The following VPS13B variants were observed in gnomAD, a reference collection of about 807,000 sequenced individuals.
The protein encoded by VPS13B is intermembrane lipid transfer protein VPS13B.
Under a neutral mutation model 426.4 loss-of-function variants are expected in VPS13B, and 285 were observed. The observed-to-expected ratio is 0.67, with a 90% CI of 0.61 to 0.74. The LOEUF (loss-of-function observed/expected upper bound fraction) is 0.74, where lower values mean the gene tolerates loss of function less well. Among genes scored for constraint, VPS13B ranks in the 30% least tolerant of loss-of-function variants. The pLI, the probability that VPS13B is intolerant of heterozygous loss-of-function variation, is 0.00. For synonymous variants in VPS13B, 1,676 were observed against 1,676.4 expected (o/e 1.00, Z 0.01); for missense variants, 4,537 against 4,782.6 (o/e 0.95, Z 1.51).
chr8:99,369,315 A>G lies in VPS13B; in HGVS notation c.2825-14893A>G, dbSNP rs542063464. On this transcript the variant is annotated intron_variant, in intron 19 of 61. Coordinates refer to ENST00000357162, the MANE Select transcript of VPS13B (RefSeq NM_152564.5). ...AGAGGATTGTTATGTTGACCAAATTATATGCATAGGATAAAATGAAATATA... is the reference window on the plus strand; with the variant it reads ...AGAGGATTGTTATGTTGACCAAATTGTATGCATAGGATAAAATGAAATATA... 3.3e-5 allele frequency among the ~76,000 whole-genome samples: 5 copies of G among 152,378 alleles called. No individual in the cohort carries two copies. In the East Asian group the frequency reaches 7.7e-4, roughly 23 times the overall value.
chr8:99,097,285 A>G (rs1433148778), intron 4 of VPS13B, among the ~76,000 whole-genome samples: 1 of 152,126 alleles, frequency 6.6e-6, no homozygotes, highest in Non-Finnish European at 1.5e-5. Context: ...GCTGATGTTT[A>G]TATTTTATTA....
chr8:99,306,362 AT>A (rs1344409152), intron 19 of VPS13B, among the ~76,000 whole-genome samples: 4 of 152,144 alleles, frequency 2.6e-5, no homozygotes, highest in African/African-American at 9.6e-5. Context: ...TTTTCATTAT[AT>A]TTTAGGGGTA....
intron 3 of VPS13B, among the ~76,000 whole-genome samples, chr8:99,065,960 C>T (rs1010601870): frequency 1.3e-5 from 2 of 152,188 alleles, no homozygotes; most frequent in African/African-American, 4.8e-5. Context: ...TGAAGGACCT[C>T]TTCAAGGAGA....
At chr8:99,228,628 GT>G (rs11287992) in intron 17 of VPS13B, among the ~76,000 whole-genome samples, 124,376 of 150,902 alleles carry the variant, frequency 0.82, 51,684 homozygotes, top group South Asian at 0.89. Context: ...TAGTTTTAAA[GT>G]TTTTTTTTTT....
At chr8:99,805,846 A>G (rs550182940) in intron 43 of VPS13B, among the ~76,000 whole-genome samples, 1 of 152,306 alleles carries the variant, frequency 6.6e-6, no homozygotes, top group South Asian at 2.1e-4. Flanking sequence ...ATTAGACACT[A>G]TCTAAGTAGA....
intron 19 of VPS13B, among the ~76,000 whole-genome samples, chr8:99,365,114 G>A (rs1161158980): frequency 6.7e-6 from 1 of 150,100 alleles, no homozygotes; most frequent in South Asian, 2.1e-4. Context: ...CTGTGGTATT[G>A]GTTGTAATAT....
rs191476251 is a variant in VPS13B at position 99,045,153 on chromosome 8, A to G, written c.291+6587A>G. ...CACCATTTTCTATAGTGGTTGTACT[A>G]GTTTACATTCCCACCAGCAGTGTAG... On this transcript the variant is annotated intron_variant, in intron 3 of 61. Coordinates refer to ENST00000357162, the MANE Select transcript of VPS13B (RefSeq NM_152564.5). Among the ~76,000 whole-genome samples, 275 of 152,294 alleles carry G rather than the reference A, an allele frequency of 1.8e-3. 1 individual carries two copies. The highest frequency in any genetic ancestry group is 6.4e-3 in the African/African-American group (267 of 41,568).
chr8:99,821,786 G>A (rs1814384438), intron 50 of VPS13B, among the ~76,000 whole-genome samples: 1 of 152,076 alleles, frequency 6.6e-6, no homozygotes, highest in Admixed American at 6.6e-5. Context: ...TCCACAAATT[G>A]TACTTGGCCT....
intron 28 of VPS13B, among the ~76,000 whole-genome samples, chr8:99,508,652 T>G (rs548430262): frequency 6.6e-6 from 1 of 152,248 alleles, no homozygotes; most frequent in South Asian, 2.1e-4. Flanking sequence ...TGTTCATTAG[T>G]GTCTGTGAAA....
At chr8:99,539,606 T>C (rs1339447641) in intron 30 of VPS13B, among the ~76,000 whole-genome samples, 3 of 151,960 alleles carry the variant, frequency 2.0e-5, no homozygotes, top group Non-Finnish European at 4.4e-5. Context: ...ATTAGCCAGG[T>C]ACACACCTGT....
intron 39 of VPS13B, among the ~76,000 whole-genome samples, chr8:99,736,791 C>G (rs1445014544): frequency 6.6e-6 from 1 of 151,980 alleles, no homozygotes; most frequent in Admixed American, 6.6e-5. Context: ...ATTTTCTTAT[C>G]TAGTGTCAGA....
At chr8:99,176,137 C>A (rs1332222326) in intron 16 of VPS13B, among the ~76,000 whole-genome samples, 2 of 150,832 alleles carry the variant, frequency 1.3e-5, no homozygotes, top group Non-Finnish European at 3.0e-5. Flanking sequence ...ATACTATAAA[C>A]TTTTGTTTTT....
At chr8:99,552,455 C>G (rs751494354) in intron 30 of VPS13B, among the ~76,000 whole-genome samples, 3 of 151,980 alleles carry the variant, frequency 2.0e-5, no homozygotes, top group Non-Finnish European at 2.9e-5. Flanking sequence ...CAAGACTGTC[C>G]AGACTGAATT....
chr8:99,739,954 A>T (rs1809608507), intron 39 of VPS13B, among the ~76,000 whole-genome samples: 1 of 152,232 alleles, frequency 6.6e-6, no homozygotes, highest in Admixed American at 6.5e-5. Flanking sequence ...CACCAGCAAC[A>T]GAACAAAGCT....
At chr8:99,170,626 A>T (rs975353657) in intron 16 of VPS13B, among the ~76,000 whole-genome samples, 89 of 152,034 alleles carry the variant, frequency 5.9e-4, no homozygotes, top group African/African-American at 2.1e-3. Context: ...GCTATATTTT[A>T]TAAGAAATTG....
intron 5 of VPS13B, among the ~76,000 whole-genome samples, chr8:99,103,377 T>A (rs1280334058): frequency 6.6e-6 from 1 of 152,036 alleles, no homozygotes; most frequent in Non-Finnish European, 1.5e-5. Context: ...TTGCCCAGGC[T>A]GGAGTGCAGT....
chr8:99,080,759 A>C (rs1364195526), intron 3 of VPS13B, among the ~76,000 whole-genome samples: 1 of 152,060 alleles, frequency 6.6e-6, no homozygotes, highest in African/African-American at 2.4e-5. Context: ...TTTTATTGTG[A>C]CTTAATTTTG....
chr8:99,575,130 C>T (rs1404156643), intron 31 of VPS13B, among the ~76,000 whole-genome samples: 1 of 152,086 alleles, frequency 6.6e-6, no homozygotes, highest in Non-Finnish European at 1.5e-5. Flanking sequence ...TGCACCACTG[C>T]ACTCCAGCCT....
intron 3 of VPS13B, among the ~76,000 whole-genome samples, chr8:99,041,393 A>G (rs1241552393): frequency 6.6e-6 from 1 of 152,236 alleles, no homozygotes; most frequent in Non-Finnish European, 1.5e-5. Context: ...ACTTGTTAAC[A>G]TAACTCAAGA....
Sources: gnomAD v4.1 joint callset for allele counts (sites outside exome capture counted in the v4.1 genomes callset) on GRCh38, gnomAD v4.1.1 for gene constraint, MANE v1.5 for transcripts, NCBI Gene and HGNC (gene_info 2026-07-23, HGNC 2026-07-21) for gene names.